NUP37: variants seen among roughly 807,000 people sequenced by gnomAD.
NUP37 encodes nucleoporin 37.
In NUP37, 33 loss-of-function variants were observed where a neutral mutation model predicts 45.4. The ratio of observed to expected loss-of-function variants is 0.73; its 90% CI spans 0.55 to 0.97. The LOEUF (loss-of-function observed/expected upper bound fraction) is 0.97, where lower values mean the gene tolerates loss of function less well. Among genes scored for constraint, NUP37 ranks in the 50% least tolerant of loss-of-function variants. The probability of loss-of-function intolerance (pLI) is 0.00; values close to 1 mark genes in which losing one functional copy is unlikely to be tolerated. For synonymous variants in NUP37, 127 were observed against 130.7 expected, an observed-to-expected ratio of 0.97 and a Z score of 0.19; for missense variants, 365 against 389.7, an observed-to-expected ratio of 0.94 and a Z score of 0.53.
chr12:102,104,710 T>C (rs985958096), intron 3 of NUP37, among the ~76,000 whole-genome samples: 2 of 152,192 alleles, frequency 1.3e-5, no homozygotes, highest in African/African-American at 4.8e-5. Flanking sequence ...ACTATCCTTT[T>C]CCCCATTGTG....
Position 102,074,385 on chromosome 12 carries a change from T to A in NUP37, c.950A>T (p.His317Leu). 1.2e-6 allele frequency: 2 copies of A among 1,612,986 alleles called. No homozygotes were observed. Among genetic ancestry groups the A allele is most frequent in the Non-Finnish European group, 1.7e-6 (2 of 1,179,266 alleles). Residue 317 changes from histidine to leucine, a missense_variant, in exon 10 of 10, where the codon CAC becomes CTC. Transcript: ENST00000552283. ...TTCAGTCACCCAAAACAACAGCTTG[T>A]GGTCTCCTCCAATTACACACAGAGG... ...TLPLCVIGGD[H>L]KLLFWVTEV
At chr12:102,074,564 C>A in intron 9 of NUP37, 97 bp from the exon 10 acceptor site, 2 of 726,364 alleles carry the variant, frequency 2.8e-6, no homozygotes, top group South Asian at 1.8e-5. Context: ...GATGATTTAT[C>A]TTTGTAGCAT....
intron 2 of NUP37, among the ~76,000 whole-genome samples, chr12:102,114,144 A>G (rs988442511): frequency 7.9e-5 from 12 of 152,238 alleles, no homozygotes; most frequent in Admixed American, 7.2e-4. Context: ...CAATTTTAAA[A>G]TAAGTTTAGG....
chr12:102,083,289 A>C (rs930579366), intron 6 of NUP37, among the ~76,000 whole-genome samples: 3 of 152,200 alleles, frequency 2.0e-5, no homozygotes, highest in Admixed American at 2.0e-4. Context: ...TCTCAGGGAG[A>C]AATGTAGGCA....
chr12:102,082,320 C>A (rs1879351527), intron 6 of NUP37, among the ~76,000 whole-genome samples: 1 of 152,020 alleles, frequency 6.6e-6, no homozygotes, highest in Non-Finnish European at 1.5e-5. Context: ...TCTTTCTTCT[C>A]TAGCTGCCTT....
chr12:102,110,489 T>C (rs992642362), intron 3 of NUP37, among the ~76,000 whole-genome samples: 17 of 147,002 alleles, frequency 1.2e-4, no homozygotes, highest in African/African-American at 1.5e-4. Context: ...GCCTGGGAGA[T>C]AGAGTGAGAC....
intron 3 of NUP37, among the ~76,000 whole-genome samples, chr12:102,111,801 T>C (rs1298009297): frequency 1.3e-5 from 2 of 152,250 alleles, no homozygotes; most frequent in Non-Finnish European, 2.9e-5. Flanking sequence ...TTTTAAGTTA[T>C]ACTTTCAATA....
chr12:102,096,875 T>A (rs1352640830), intron 5 of NUP37, among the ~76,000 whole-genome samples: 1 of 152,178 alleles, frequency 6.6e-6, no homozygotes, highest in Non-Finnish European at 1.5e-5. Flanking sequence ...TTGGCTTTAA[T>A]AACCAATCAG....
intron 5 of NUP37, among the ~76,000 whole-genome samples, chr12:102,092,752 G>T (rs936583187): frequency 6.6e-6 from 1 of 152,114 alleles, no homozygotes; most frequent in African/African-American, 2.4e-5. Context: ...GTATGGGTAG[G>T]TTAGAGTTGG....
intron 5 of NUP37, among the ~76,000 whole-genome samples, chr12:102,088,696 T>A (rs1003732814): frequency 7.2e-6 from 1 of 139,650 alleles, no homozygotes; most frequent in African/African-American, 3.3e-5. Flanking sequence ...TTTTTGTTTT[T>A]GTTTTAATTT....
At chr12:102,104,716 TTG>T (rs768812000) in intron 3 of NUP37, among the ~76,000 whole-genome samples, 18 of 152,210 alleles carry the variant, frequency 1.2e-4, no homozygotes, top group Non-Finnish European at 1.5e-5. Flanking sequence ...CTTTTCCCCA[TTG>T]TGTAGCCTTG....
intron 5 of NUP37, among the ~76,000 whole-genome samples, chr12:102,095,999 AAAG>A (rs1263716138): frequency 9.2e-5 from 14 of 152,240 alleles, no homozygotes; most frequent in Middle Eastern, 3.4e-3. Context: ...TACTCATTGT[AAAG>A]AAGAAGAAAG....
intron 3 of NUP37, among the ~76,000 whole-genome samples, chr12:102,109,953 A>C (rs1180240518): frequency 6.6e-6 from 1 of 152,220 alleles, no homozygotes; most frequent in Non-Finnish European, 1.5e-5. Context: ...CTTTCTTTTA[A>C]TATAAAAGGA....
chr12:102,075,058 A>C lies in NUP37; in HGVS notation c.810T>G (p.Thr270=). The change falls in exon 9 of 10, where the codon ACT becomes ACG. Residue 270 remains threonine, a synonymous_variant. Coordinates refer to ENST00000552283, the MANE Select transcript of NUP37 (RefSeq NM_024057.4). ...GGCTTGCCATTTTGCCAGGATAACC[A>C]GTGGTTGCAAACAGATTTTCACTAA... The part of the protein sequence containing the change: ...STISENLFAT[T]GYPGKMASQF... 3.7e-6 allele frequency: 6 copies of C among 1,611,436 alleles called. No homozygotes were observed. The highest frequency in any genetic ancestry group is 5.1e-6 in the Non-Finnish European group (6 of 1,178,278).
chr12:102,114,903 C>T (rs1880420177), intron 2 of NUP37, among the ~76,000 whole-genome samples: 1 of 152,164 alleles, frequency 6.6e-6, no homozygotes, highest in South Asian at 2.1e-4. Flanking sequence ...CATGTAAATT[C>T]TACTCATTAT....
rs956091339 is a variant in NUP37 at position 102,118,595 on chromosome 12, A to C, written c.-65-12T>G. 3.8e-6 allele frequency: 5 copies of C among 1,311,604 alleles called. No homozygotes were observed. The highest frequency in any genetic ancestry group is 1.9e-4 in the Middle Eastern group (1 of 5,148). The allele number at this position is 1,311,604 out of a possible 1,614,324, so 81.2% of individuals were successfully genotyped here. ...ACAAGGTCACGAAACTGTGGATTAG[A>C]GCACAGGTACAATTACAATGGTCAA... On this transcript the variant is annotated splice_polypyrimidine_tract_variant and intron_variant, in intron 1 of 9. Transcript: ENST00000552283.
chr12:102,118,355 A>G lies in NUP37; in HGVS notation c.156+8T>C. On this transcript the variant is annotated splice_region_variant and intron_variant, in intron 2 of 9. Transcript: ENST00000552283. ...TCACTGTCATTCGGTGCAGTTTTGT[A>G]GACTAACCTGAAACGTACACGTGCC... 2 of 1,609,542 alleles carry G rather than the reference A, an allele frequency of 1.2e-6. No homozygotes were observed. The highest frequency in any genetic ancestry group is 1.7e-6 in the Non-Finnish European group (2 of 1,178,136).
intron 5 of NUP37, among the ~76,000 whole-genome samples, chr12:102,094,198 T>C (rs1345344157): frequency 6.6e-6 from 1 of 152,134 alleles, no homozygotes; most frequent in Non-Finnish European, 1.5e-5. Flanking sequence ...TTTTACCCCA[T>C]TCTCAAGGCT....
At position 102,085,834 on chromosome 12, in the gene NUP37, GC is replaced by G. The variant is rs1489336395; in HGVS notation, c.471del (p.Gln158LysfsTer12). ...GAATGAAGAACAAAATGAGCTGTTT[GC>G]ACTCCTTCCAAGTTCCAAATCCTAA... ...HTCRIWNLEG[V>X]QTAHFVLHSP... On this transcript the variant is annotated frameshift_variant, in exon 6 of 10. Coordinates refer to ENST00000552283, the MANE Select transcript of NUP37 (RefSeq NM_024057.4). LOFTEE classifies it high-confidence loss of function. The G allele has an allele frequency of 1.3e-6, 2 of 1,590,526 alleles. No homozygotes were observed. The highest frequency in any genetic ancestry group is 2.7e-5 in the African/African-American group (2 of 74,306).
Sources: gnomAD v4.1 joint callset for allele counts (sites outside exome capture counted in the v4.1 genomes callset) on GRCh38, gnomAD v4.1.1 for gene constraint, MANE v1.5 for transcripts, NCBI Gene and HGNC (gene_info 2026-07-23, HGNC 2026-07-21) for gene names.